Variants in IMMP2L observed in about 807,000 individuals in gnomAD.
The protein encoded by IMMP2L is inner mitochondrial membrane peptidase subunit 2.
Under a neutral mutation model 19.3 loss-of-function variants are expected in IMMP2L, and 18 were observed. The observed-to-expected ratio is 0.93, with a 90% CI of 0.64 to 1.38. The LOEUF is 1.38. Among genes scored for constraint, IMMP2L ranks in the 40% most tolerant of loss-of-function variants. IMMP2L has a pLI of 0.00. For synonymous variants in IMMP2L, 76 were observed against 73.0 expected, an observed-to-expected ratio of 1.04 and a Z score of -0.21; for missense variants, 233 against 218.2, an observed-to-expected ratio of 1.07 and a Z score of -0.43.
chr7:111,291,499 T>C (rs1368910021), intron 3 of IMMP2L, among the ~76,000 whole-genome samples: 1 of 152,172 alleles, frequency 6.6e-6, no homozygotes, highest in African/African-American at 2.4e-5. Flanking sequence ...TGTTTACCTT[T>C]AACCTGGTAT....
intron 3 of IMMP2L, among the ~76,000 whole-genome samples, chr7:111,381,237 T>C (rs1831173557): frequency 6.6e-6 from 1 of 151,852 alleles, no homozygotes; most frequent in South Asian, 2.1e-4. Context: ...TAAGCTGAGA[T>C]TTTTTTGACC....
chr7:111,034,182 T>C (rs1317991825), intron 3 of IMMP2L, among the ~76,000 whole-genome samples: 1 of 151,964 alleles, frequency 6.6e-6, no homozygotes, highest in Non-Finnish European at 1.5e-5. Flanking sequence ...GGAGGGGGAA[T>C]GCAGCAATCA....
At chr7:111,087,580 T>C (rs572562565) in intron 3 of IMMP2L, among the ~76,000 whole-genome samples, 1 of 152,102 alleles carries the variant, frequency 6.6e-6, no homozygotes, top group East Asian at 1.9e-4. Context: ...AATATACAAA[T>C]ATATGTTAGT....
intron 3 of IMMP2L, among the ~76,000 whole-genome samples, chr7:111,383,242 A>T (rs1233931541): frequency 6.6e-6 from 1 of 152,120 alleles, no homozygotes; most frequent in East Asian, 1.9e-4. Context: ...TAGTTATCAT[A>T]CTTTGCCACA....
At chr7:111,107,321 C>A (rs1437067966) in intron 3 of IMMP2L, among the ~76,000 whole-genome samples, 2 of 151,950 alleles carry the variant, frequency 1.3e-5, no homozygotes, top group Non-Finnish European at 2.9e-5. Context: ...TATTACAACG[C>A]CAGCCCTACA....
intron 3 of IMMP2L, among the ~76,000 whole-genome samples, chr7:111,372,909 T>C (rs768148121): frequency 6.6e-6 from 1 of 152,032 alleles, no homozygotes; most frequent in Admixed American, 6.6e-5. Flanking sequence ...CCATAAAGTC[T>C]ACACATTGAA....
At chr7:111,349,114 A>G (rs2130865320) in intron 3 of IMMP2L, among the ~76,000 whole-genome samples, 1 of 152,258 alleles carries the variant, frequency 6.6e-6, no homozygotes, top group East Asian at 1.9e-4. Flanking sequence ...AAATGATTTC[A>G]GAGCTCAAAC....
At chr7:111,100,955 C>T (rs937924811) in intron 3 of IMMP2L, among the ~76,000 whole-genome samples, 6 of 151,400 alleles carry the variant, frequency 4.0e-5, no homozygotes, top group African/African-American at 1.5e-4. Flanking sequence ...AAATATCTTT[C>T]TATATTTTGT....
At chr7:110,770,979 C>T (rs1008078472) in intron 5 of IMMP2L, among the ~76,000 whole-genome samples, 2 of 152,104 alleles carry the variant, frequency 1.3e-5, no homozygotes, top group Non-Finnish European at 2.9e-5. Flanking sequence ...GTGCTGTACT[C>T]ACAGGGTCTA....
chr7:110,665,830 A>G (rs2130256403), intron 5 of IMMP2L, among the ~76,000 whole-genome samples: 1 of 152,326 alleles, frequency 6.6e-6, no homozygotes, highest in East Asian at 1.9e-4. Flanking sequence ...ATATTTTGTA[A>G]TAATGTAAAT....
rs559525818 is a variant in IMMP2L at position 111,374,536 on chromosome 7, C to T, written c.239+112702G>A. Among the ~76,000 whole-genome samples, 3 of 152,152 alleles carry T rather than the reference C, an allele frequency of 2.0e-5. No homozygotes were observed. The South Asian group carries it at 6.2e-4, about 32-fold the overall frequency. ...TTCTTTCTCCCACATTATTATTGTCCTTATGTCTAACAAGTACTCTGATGA... is the reference window on the plus strand; with the variant it reads ...TTCTTTCTCCCACATTATTATTGTCTTTATGTCTAACAAGTACTCTGATGA... On this transcript the variant is annotated intron_variant, in intron 3 of 5. Coordinates refer to ENST00000405709, the MANE Select transcript of IMMP2L (RefSeq NM_032549.4).
intron 3 of IMMP2L, among the ~76,000 whole-genome samples, chr7:111,458,494 T>C (rs1409877694): frequency 6.6e-6 from 1 of 152,082 alleles, no homozygotes; most frequent in Non-Finnish European, 1.5e-5. Flanking sequence ...CCAGGAAAAC[T>C]ACCCTAAATT....
chr7:111,184,768 A>AGTGTGT lies in IMMP2L; in HGVS notation c.240-221209_240-221204dup, dbSNP rs34378495. 2.6e-3 allele frequency among the ~76,000 whole-genome samples: 394 copies of AGTGTGT among 151,088 alleles called. 2 individuals are homozygous for AGTGTGT. In the South Asian group the frequency reaches 0.028, roughly 11 times the overall value. ...CAGAACTACCCATAGATGTTTAAAA[A>AGTGTGT]GTGTGTGTGTGTGTGCATTTGTGTG... On this transcript the variant is annotated intron_variant, in intron 3 of 5. Coordinates refer to ENST00000405709, the MANE Select transcript of IMMP2L (RefSeq NM_032549.4).
chr7:110,835,021 AT>A (rs1409246628), intron 5 of IMMP2L, among the ~76,000 whole-genome samples: 9 of 152,090 alleles, frequency 5.9e-5, no homozygotes, highest in Middle Eastern at 3.4e-3. Context: ...TCACCTGAAA[AT>A]TTTTTTCCCC....
chr7:110,698,700 C>T (rs1014352002), intron 5 of IMMP2L, among the ~76,000 whole-genome samples: 3 of 152,152 alleles, frequency 2.0e-5, no homozygotes, highest in Non-Finnish European at 4.4e-5. Context: ...TGGGAGAAAG[C>T]CAAATGGATT....
At chr7:111,114,829 A>G (rs1799682069) in intron 3 of IMMP2L, among the ~76,000 whole-genome samples, 2 of 152,136 alleles carry the variant, frequency 1.3e-5, no homozygotes, top group Admixed American at 6.5e-5. Flanking sequence ...ATTATATAAT[A>G]ATAGAATTTG....
At chr7:110,826,238 G>A (rs1423593036) in intron 5 of IMMP2L, among the ~76,000 whole-genome samples, 3 of 152,164 alleles carry the variant, frequency 2.0e-5, no homozygotes, top group Non-Finnish European at 4.4e-5. Context: ...CACTGTTGGT[G>A]GGACTGTAAA....
chr7:111,243,762 C>T (rs374376292), intron 3 of IMMP2L, among the ~76,000 whole-genome samples: 2 of 65,640 alleles, frequency 3.0e-5, no homozygotes, highest in Non-Finnish European at 5.8e-5. Flanking sequence ...TGAGAATATG[C>T]GGTGTTTGGT....
At chr7:110,722,798 T>C (rs1371527759) in intron 5 of IMMP2L, among the ~76,000 whole-genome samples, 1 of 152,082 alleles carries the variant, frequency 6.6e-6, no homozygotes, top group Non-Finnish European at 1.5e-5. Context: ...ATTCCTATAA[T>C]TACCAGAGAA....
Sources: allele counts gnomAD v4.1 joint callset (sites outside exome capture counted in the v4.1 genomes callset), GRCh38; gene constraint gnomAD v4.1.1; transcripts MANE v1.5; gene names NCBI Gene and HGNC (gene_info 2026-07-23, HGNC 2026-07-21).